The following TACR3 variants were observed in gnomAD, a reference collection of about 807,000 sequenced individuals.
TACR3 encodes the protein neuromedin-K receptor.
In TACR3, 34 loss-of-function variants were observed where a neutral mutation model predicts 35.0. That is an observed-to-expected ratio of 0.97 (90% CI 0.74 to 1.30). TACR3 has a LOEUF of 1.30. Among genes scored for constraint, TACR3 ranks in the 50% most tolerant of loss-of-function variants. TACR3 has a pLI of 0.00. For missense variants in TACR3, 558 were observed against 591.7 expected, an observed-to-expected ratio of 0.94 and a Z score of 0.59; for synonymous variants, 233 against 221.1, an observed-to-expected ratio of 1.05 and a Z score of -0.48.
At chr4:103,707,925 G>A (rs1316984193) in intron 1 of TACR3, among the ~76,000 whole-genome samples, 3 of 152,164 alleles carry the variant, frequency 2.0e-5, no homozygotes, top group East Asian at 1.9e-4. Context: ...GTCTGAGATC[G>A]AGCTGCAAGG....
chr4:103,682,623 G>A (rs1722125120), intron 1 of TACR3, among the ~76,000 whole-genome samples: 1 of 152,120 alleles, frequency 6.6e-6, no homozygotes, highest in African/African-American at 2.4e-5. Context: ...TGGGGACACA[G>A]AGCCAAACCG....
chr4:103,635,086 A>G (rs1477673187), intron 3 of TACR3, among the ~76,000 whole-genome samples: 3 of 152,018 alleles, frequency 2.0e-5, no homozygotes, highest in Non-Finnish European at 1.5e-5. Flanking sequence ...ATACAAGTAT[A>G]TTACCTACAT....
chr4:103,719,020 T>TA, intron 1 of TACR3, 108 bp downstream of exon 1: 1 of 1,477,340 alleles, frequency 6.8e-7, no homozygotes. Context: ...TTAGTCTCTT[T>TA]ACTTTTATAG....
chr4:103,656,103 C>A, intron 3 of TACR3, 91 bp downstream of exon 3: 1 of 1,484,270 alleles, frequency 6.7e-7, no homozygotes, highest in African/African-American at 1.4e-5. Context: ...AGCATCAGAT[C>A]ATATTGTATT....
intron 1 of TACR3, among the ~76,000 whole-genome samples, chr4:103,672,230 A>C (rs1433020930): frequency 6.6e-6 from 1 of 152,130 alleles, no homozygotes; most frequent in African/African-American, 2.4e-5. Flanking sequence ...AACCCCTCAA[A>C]GTCATCTATG....
intron 1 of TACR3, among the ~76,000 whole-genome samples, chr4:103,687,344 G>C (rs887356531): frequency 6.6e-6 from 1 of 152,084 alleles, no homozygotes; most frequent in African/African-American, 2.4e-5. Context: ...CACAAGACAG[G>C]GATGCCCTCT....
intron 3 of TACR3, among the ~76,000 whole-genome samples, chr4:103,644,834 A>C (rs771282755): frequency 2.2e-4 from 34 of 151,858 alleles, no homozygotes; most frequent in Non-Finnish European, 4.0e-4. Context: ...CAAATTATTA[A>C]GGAAAGATGC....
At chr4:103,606,590 G>A (rs571928915) in intron 3 of TACR3, among the ~76,000 whole-genome samples, 2,124 of 152,174 alleles carry the variant, frequency 0.014, 48 homozygotes, top group African/African-American at 0.049. Flanking sequence ...TGAAGCAATT[G>A]TGAATGGGAG....
chr4:103,709,630 T>C (rs1269379719), intron 1 of TACR3, among the ~76,000 whole-genome samples: 6 of 152,302 alleles, frequency 3.9e-5, no homozygotes, highest in African/African-American at 1.4e-4. Context: ...AACATCATAA[T>C]GACAGGATCA....
At chr4:103,615,562 TAAC>T (rs1354461369) in intron 3 of TACR3, among the ~76,000 whole-genome samples, 1 of 152,142 alleles carries the variant, frequency 6.6e-6, no homozygotes, top group Non-Finnish European at 1.5e-5. Flanking sequence ...TTCCACAAAA[TAAC>T]AAGATGATAG....
intron 1 of TACR3, among the ~76,000 whole-genome samples, chr4:103,678,234 T>C (rs1312336744): frequency 7.0e-6 from 1 of 143,734 alleles, no homozygotes; most frequent in Non-Finnish European, 1.5e-5. Context: ...TTATGTCTGA[T>C]GTTGATCTAC....
intron 1 of TACR3, among the ~76,000 whole-genome samples, chr4:103,693,227 ATTATT>A (rs985659138): frequency 8.5e-5 from 13 of 152,284 alleles, no homozygotes; most frequent in African/African-American, 2.9e-4. Context: ...TCCTGAAAAC[ATTATT>A]TTATATCACT....
At position 103,602,808 on chromosome 4, in the gene TACR3, T is replaced by C. The variant is rs1422957864; in HGVS notation, c.889-11125A>G. 4.6e-5 allele frequency among the ~76,000 whole-genome samples: 7 copies of C among 152,264 alleles called. No individual in the cohort carries two copies. The East Asian group carries it at 1.2e-3, about 25-fold the overall frequency. On this transcript the variant is annotated intron_variant, in intron 3 of 4. Coordinates refer to ENST00000304883, the MANE Select transcript of TACR3 (RefSeq NM_001059.3). ...GTGTTAGTCCAGCCCTACTGGAGGG[T>C]GCCTCCCATTTAGGCTACTCGGGGG...
chr4:103,596,578 T>C (rs1724024308), intron 3 of TACR3, among the ~76,000 whole-genome samples: 1 of 152,148 alleles, frequency 6.6e-6, no homozygotes, highest in Non-Finnish European at 1.5e-5. Flanking sequence ...ACAAAACTGC[T>C]TGTTTTGATT....
rs919007267 is a variant in TACR3 at position 103,616,684 on chromosome 4, C to G, written c.889-25001G>C. Among the ~76,000 whole-genome samples the G allele has an allele frequency of 5.3e-5, 8 of 152,174 alleles. No homozygotes were observed. In the South Asian group the frequency reaches 8.3e-4, roughly 16 times the overall value. Reference sequence around the variant, plus strand: ...AATCTCAGCCAGGCGCAGTGGCTCACGCCTGTAATTTCAGACCTTCGGGAG... The same window carrying G: ...AATCTCAGCCAGGCGCAGTGGCTCAGGCCTGTAATTTCAGACCTTCGGGAG... On this transcript the variant is annotated intron_variant, in intron 3 of 4. Transcript: ENST00000304883.
At chr4:103,659,704 T>A (rs1379741300) in intron 1 of TACR3, among the ~76,000 whole-genome samples, 1 of 152,178 alleles carries the variant, frequency 6.6e-6, no homozygotes, top group Admixed American at 6.6e-5. Context: ...TACTTAAATA[T>A]GACTTTTGGA....
At chr4:103,689,315 G>C (rs543988516) in intron 1 of TACR3, among the ~76,000 whole-genome samples, 1 of 151,482 alleles carries the variant, frequency 6.6e-6, no homozygotes, top group Non-Finnish European at 1.5e-5. Flanking sequence ...ACGAGTTAGT[G>C]GGTGCAGCGC....
At chr4:103,697,488 C>T (rs1266065219) in intron 1 of TACR3, among the ~76,000 whole-genome samples, 1 of 151,626 alleles carries the variant, frequency 6.6e-6, no homozygotes, top group African/African-American at 2.4e-5. Flanking sequence ...GCAGTGGCGC[C>T]ATCTCGGTTC....
intron 3 of TACR3, among the ~76,000 whole-genome samples, chr4:103,601,294 A>G (rs1003180981): frequency 6.6e-6 from 1 of 151,734 alleles, no homozygotes; most frequent in African/African-American, 2.4e-5. Context: ...TGCATGTGAG[A>G]TGGGTTTCCT....
Sources: allele counts gnomAD v4.1 joint callset (sites outside exome capture counted in the v4.1 genomes callset), GRCh38; gene constraint gnomAD v4.1.1; transcripts MANE v1.5; gene names NCBI Gene and HGNC (gene_info 2026-07-23, HGNC 2026-07-21).